Variants in FBN2 observed in about 807,000 individuals in gnomAD.
FBN2 encodes fibrillin 2, also known as fibrillin-2.
Under a neutral mutation model 355.6 loss-of-function variants are expected in FBN2, and 105 were observed. The ratio of observed to expected loss-of-function variants is 0.30; its 90% confidence interval spans 0.25 to 0.35. The LOEUF is 0.35. FBN2 is among the 10% of genes least tolerant of loss of function. The pLI, the probability that FBN2 is intolerant of heterozygous loss-of-function variation, is 1.00. For synonymous variants in FBN2, 1,350 were observed against 1,301.2 expected (o/e 1.04, Z -0.81); for missense variants, 3,280 against 3,758.7 (o/e 0.87, Z 3.33).
In FBN2 at chr5:128,280,148, G is replaced by C. The variant is rs376648562; in HGVS notation, c.7138+44C>G. On this transcript the variant is annotated intron_variant, in intron 56 of 64. Transcript: ENST00000262464. ...CTCTTCTGTGATGACATCATGAACA[G>C]ATGTTTTATCTACCAAGTATAATAT... 9.7e-6 allele frequency: 15 copies of C among 1,552,616 alleles called. No homozygotes were observed. In the African/African-American group the frequency reaches 2.0e-4, roughly 21 times the overall value.
At chr5:128,340,463 A>C (rs1338607920) in intron 25 of FBN2, among the ~76,000 whole-genome samples, 1 of 152,262 alleles carries the variant, frequency 6.6e-6, no homozygotes, top group Non-Finnish European at 1.5e-5. Context: ...TATTGATTCA[A>C]TTAAGTAGCT....
intron 45 of FBN2, among the ~76,000 whole-genome samples, chr5:128,304,144 C>G (rs977788722): frequency 1.3e-5 from 2 of 152,164 alleles, no homozygotes; most frequent in African/African-American, 4.8e-5. Context: ...TCAAGAGTAG[C>G]TGAACAGCCC....
At chr5:128,413,945 A>G (rs1753132765) in intron 7 of FBN2, among the ~76,000 whole-genome samples, 1 of 152,250 alleles carries the variant, frequency 6.6e-6, no homozygotes, top group Middle Eastern at 3.4e-3. Flanking sequence ...CACTAGGAAA[A>G]TTCATGATTG....
At chr5:128,349,319 A>G (rs747500291) in intron 23 of FBN2, 28 bp downstream of exon 23, 8 of 1,613,856 alleles carry the variant, frequency 5.0e-6, no homozygotes, top group Non-Finnish European at 6.8e-6. Context: ...TGTTTTATAC[A>G]TAGAATACAT....
chr5:128,259,462 A>G lies in FBN2; in HGVS notation c.8732T>C (p.Leu2911Pro). 3 of 1,613,126 alleles carry G rather than the reference A, an allele frequency of 1.9e-6. No homozygotes were observed. The highest frequency in any genetic ancestry group is 2.2e-5 in the East Asian group (1 of 44,864). ...EALRMRLQIQLY is the reference protein window; with the variant it reads ...EALRMRLQIQPY ...GCCCAAGTCTGTGAAGGGTTAATAG[A>G]GCTGAATCTGCAGCCTCATTCTGAG... The change falls in exon 65 of 65, where the codon CTC becomes CCC. Residue 2911 changes from leucine (L) to proline (P), a missense_variant. This residue lies in a region of FBN2 where 311 missense variants were observed against 319.1 expected (regional missense o/e 0.97). Transcript: ENST00000262464.
chr5:128,499,910 T>G (rs780787153), intron 5 of FBN2, among the ~76,000 whole-genome samples: 1 of 152,130 alleles, frequency 6.6e-6, no homozygotes, highest in Non-Finnish European at 1.5e-5. Flanking sequence ...ATGCAAAAAG[T>G]TTGCATGCAT....
chr5:128,363,688 G>A (rs1751698059), intron 18 of FBN2, among the ~76,000 whole-genome samples: 1 of 152,126 alleles, frequency 6.6e-6, no homozygotes, highest in African/African-American at 2.4e-5. Flanking sequence ...ATGTGAAAAG[G>A]GGAAATCTGG....
At chr5:128,436,950 C>G (rs144533607) in intron 7 of FBN2, among the ~76,000 whole-genome samples, 1 of 152,268 alleles carries the variant, frequency 6.6e-6, no homozygotes, top group East Asian at 1.9e-4. Context: ...CAATCAGGCA[C>G]CCAGCAACAG....
intron 58 of FBN2, 38 bp downstream of exon 58, chr5:128,277,842 G>A: frequency 1.2e-6 from 2 of 1,612,274 alleles, no homozygotes; most frequent in Non-Finnish European, 1.7e-6. Flanking sequence ...TAGCTGATTA[G>A]CCCCCAAACC....
At chr5:128,441,968 A>G (rs1753933230) in intron 7 of FBN2, 1 of 153,456 alleles carries the variant, frequency 6.5e-6, no homozygotes, top group African/African-American at 2.4e-5. Context: ...AAATTAATAT[A>G]CTTTATGTAA....
At chr5:128,437,519 A>T (rs1753799251) in intron 7 of FBN2, among the ~76,000 whole-genome samples, 1 of 152,220 alleles carries the variant, frequency 6.6e-6, no homozygotes, top group African/African-American at 2.4e-5. Flanking sequence ...AGTGATGGTT[A>T]TATGGGGGCC....
chr5:128,303,349 G>C lies in FBN2; in HGVS notation c.5801-260C>G, dbSNP rs539160727. On this transcript the variant is annotated intron_variant, in intron 45 of 64. Transcript: ENST00000262464. ...CAATACTCAGACATAGCCTAAGAGA[G>C]CATCCCCCTAGTAGAGATGTATTAA... is the stretch of plus-strand genomic sequence containing the variant. 7.0e-4 allele frequency among the ~76,000 whole-genome samples: 107 copies of C among 152,224 alleles called. 1 individual carries two copies. In the South Asian group the frequency reaches 0.022, roughly 31 times the overall value.
intron 36 of FBN2, among the ~76,000 whole-genome samples, chr5:128,313,067 T>G (rs1319229165): frequency 6.6e-6 from 1 of 152,208 alleles, no homozygotes; most frequent in Non-Finnish European, 1.5e-5. Context: ...AAGAAATTTC[T>G]CATTTGGGAC....
chr5:128,503,770 A>G (rs183449136), intron 5 of FBN2, among the ~76,000 whole-genome samples: 24 of 152,346 alleles, frequency 1.6e-4, no homozygotes, highest in African/African-American at 5.5e-4. Flanking sequence ...TTTTCTGGGG[A>G]GAAATTCAAG....
chr5:128,468,361 T>G (rs1222514328), intron 5 of FBN2, among the ~76,000 whole-genome samples: 1 of 152,206 alleles, frequency 6.6e-6, no homozygotes, highest in African/African-American at 2.4e-5. Context: ...TTTTTACTTT[T>G]GGGATATTAT....
chr5:128,350,916 C>T lies in FBN2; in HGVS notation c.2764G>A (p.Ala922Thr). The T allele has an allele frequency of 6.2e-7, 1 of 1,614,098 alleles. No individual in the cohort carries two copies. The highest frequency in any genetic ancestry group is 8.5e-7 in the Non-Finnish European group (1 of 1,180,014). ...CTCCCCCAGGCGGCTCCGAGGGTGG[C>T]ACAGCATTCAGATTTCAGAGTGGCT... Reference protein sequence around the residue: ...NGATLKSECCATLGAAWGSPC... With the variant: ...NGATLKSECCTTLGAAWGSPC... The change falls in exon 21 of 65, where the codon GCC becomes ACC. Residue 922 changes from alanine (A) to threonine (T), a missense_variant. By Grantham distance (58) the Ala-to-Thr change is moderately conservative. Coordinates refer to ENST00000262464, the MANE Select transcript of FBN2 (RefSeq NM_001999.4).
chr5:128,311,248 G>A, intron 39 of FBN2, 52 bp downstream of exon 39: 3 of 1,605,328 alleles, frequency 1.9e-6, no homozygotes, highest in South Asian at 1.1e-5. Flanking sequence ...GGCCTCAGCA[G>A]CCATTTTGTT....
At chr5:128,299,040 T>C (rs1167595192) in intron 48 of FBN2, among the ~76,000 whole-genome samples, 2 of 152,130 alleles carry the variant, frequency 1.3e-5, no homozygotes, top group Admixed American at 6.5e-5. Flanking sequence ...TCTGTTAGTT[T>C]TCCTTCTAAC....
In FBN2 at chr5:128,408,682, C is replaced by T. The variant is rs773969876; in HGVS notation, c.1070G>A (p.Arg357Gln). 1.9e-5 allele frequency: 31 copies of T among 1,613,930 alleles called. No individual in the cohort carries two copies. Among genetic ancestry groups the T allele is most frequent in the South Asian group, 7.7e-5 (7 of 91,076 alleles). The change falls in exon 8 of 65, where the codon CGA (arginine) becomes CAA (glutamine). Residue 357 changes from arginine to glutamine, a missense_variant. Physicochemically the swap from Arg to Gln is conservative, Grantham distance 43 (BLOSUM62 1). Coordinates refer to ENST00000262464, the MANE Select transcript of FBN2 (RefSeq NM_001999.4). ...RGYVTSTDGS[R>Q]CIDQRTGMCF... Reference sequence around the variant, plus strand: ...CAAAATGCGAGGCTTACCGATGCATCGAGAGCCATCTGTTGAGGTTACATA... The same window carrying T: ...CAAAATGCGAGGCTTACCGATGCATTGAGAGCCATCTGTTGAGGTTACATA...
Sources: allele counts gnomAD v4.1 joint callset (sites outside exome capture counted in the v4.1 genomes callset), GRCh38; gene constraint gnomAD v4.1.1; regional missense constraint gnomAD v4.1.1; transcripts MANE v1.5; gene names NCBI Gene and HGNC (gene_info 2026-07-23, HGNC 2026-07-21).